CLSTN2: variants seen among roughly 807,000 people sequenced by gnomAD.
The protein encoded by CLSTN2 is calsyntenin-2.
A neutral mutation model predicts 101.2 loss-of-function variants in CLSTN2; 48 were observed. The observed-to-expected ratio is 0.47, with a 90% CI of 0.38 to 0.60. CLSTN2 has a LOEUF of 0.60. Ranked by LOEUF, CLSTN2 falls within the 20% of genes least tolerant of loss-of-function variation. The pLI, the probability that CLSTN2 is intolerant of heterozygous loss-of-function variation, is 0.00. For missense variants in CLSTN2, 1,160 were observed against 1,238.2 expected, an observed-to-expected ratio of 0.94 and a Z score of 0.95; for synonymous variants, 481 against 463.6, an observed-to-expected ratio of 1.04 and a Z score of -0.48.
At chr3:140,054,493 AG>A (rs1477532395) in intron 1 of CLSTN2, among the ~76,000 whole-genome samples, 2 of 152,176 alleles carry the variant, frequency 1.3e-5, no homozygotes, top group Non-Finnish European at 2.9e-5. Context: ...GCGGTCAGTA[AG>A]GGGTGGAGAT....
At chr3:140,089,663 A>G (rs1452693305) in intron 1 of CLSTN2, among the ~76,000 whole-genome samples, 2 of 151,234 alleles carry the variant, frequency 1.3e-5, no homozygotes, top group East Asian at 3.9e-4. Flanking sequence ...TCCAGGCTAG[A>G]GTGCAGTGGT....
rs201159738 is a variant in CLSTN2 at position 140,360,029 on chromosome 3, T to C, written c.233-43600T>C. 2.9e-4 allele frequency among the ~76,000 whole-genome samples: 41 copies of C among 143,740 alleles called. 1 individual carries two copies. The South Asian group carries it at 5.8e-3, about 20-fold the overall frequency. The allele number at this position is 143,740 out of a possible 152,430, so 94.3% of individuals were successfully genotyped here. A position where few individuals can be genotyped will look rare whatever the true frequency, so the allele number is the denominator to read the frequency against. ...ACACACACACACACACACACACACA[T>C]ATATATATATAGTTTCCTCATACAA... On this transcript the variant is annotated intron_variant, in intron 2 of 16. Transcript: ENST00000458420.
In CLSTN2 at chr3:140,016,810, A is replaced by G. The variant is rs1393233325; in HGVS notation, c.109+81327A>G. 6.6e-5 allele frequency among the ~76,000 whole-genome samples: 10 copies of G among 151,588 alleles called. No homozygotes were observed. In the East Asian group the frequency reaches 1.5e-3, roughly 23 times the overall value. On this transcript the variant is annotated intron_variant, in intron 1 of 16. Transcript: ENST00000458420. ...GAGACTCTGAAAAAAAAAAAAAAAA[A>G]AAAAGAAACAAACAAAAAAACCTCA...
At chr3:140,499,217 T>C (rs1934524133) in intron 8 of CLSTN2, among the ~76,000 whole-genome samples, 1 of 152,224 alleles carries the variant, frequency 6.6e-6, no homozygotes, top group African/African-American at 2.4e-5. Flanking sequence ...TAACCCACTA[T>C]GGAGCCCTTA....
chr3:140,114,173 G>A (rs76957055), intron 1 of CLSTN2, among the ~76,000 whole-genome samples: 4,354 of 152,236 alleles, frequency 0.029, 185 homozygotes, highest in African/African-American at 0.094. Context: ...TGCTTTGGGA[G>A]TTCCCATCTC....
At chr3:140,483,591 G>A (rs1403842840) in intron 8 of CLSTN2, among the ~76,000 whole-genome samples, 2 of 151,522 alleles carry the variant, frequency 1.3e-5, no homozygotes, top group African/African-American at 4.9e-5. Context: ...TCTCTTTGTA[G>A]GTCTCTAAGG....
chr3:140,465,416 A>G (rs1049446325), intron 7 of CLSTN2, among the ~76,000 whole-genome samples: 1 of 152,204 alleles, frequency 6.6e-6, no homozygotes, highest in African/African-American at 2.4e-5. Context: ...AAAAGTGCTC[A>G]TATCACTGGC....
intron 7 of CLSTN2, among the ~76,000 whole-genome samples, chr3:140,460,763 TTA>T (rs1576580497): frequency 6.6e-6 from 1 of 152,236 alleles, no homozygotes; most frequent in Non-Finnish European, 1.5e-5. Context: ...CTGCATTTAA[TTA>T]TAATTCTACA....
chr3:139,957,594 G>A (rs2107813058), intron 1 of CLSTN2, among the ~76,000 whole-genome samples: 1 of 152,102 alleles, frequency 6.6e-6, no homozygotes, highest in African/African-American at 2.4e-5. Context: ...CCAGCATCTG[G>A]TAACTAATTA....
At chr3:140,238,366 C>G (rs2086433907) in intron 2 of CLSTN2, among the ~76,000 whole-genome samples, 1 of 152,118 alleles carries the variant, frequency 6.6e-6, no homozygotes, top group South Asian at 2.1e-4. Flanking sequence ...GCATGGTTTT[C>G]AGCTAGGTAA....
intron 2 of CLSTN2, among the ~76,000 whole-genome samples, chr3:140,381,107 G>A (rs900338979): frequency 8.5e-5 from 13 of 152,260 alleles, no homozygotes; most frequent in Admixed American, 2.0e-4. Flanking sequence ...ATCTTTCCTC[G>A]TCTGTTCTAA....
chr3:140,380,003 C>T (rs1461279854), intron 2 of CLSTN2, among the ~76,000 whole-genome samples: 1 of 151,976 alleles, frequency 6.6e-6, no homozygotes, highest in African/African-American at 2.4e-5. Context: ...GACAATGAAA[C>T]AAAACCCACC....
chr3:140,487,521 T>G (rs933585886), intron 8 of CLSTN2, among the ~76,000 whole-genome samples: 1 of 152,196 alleles, frequency 6.6e-6, no homozygotes, highest in African/African-American at 2.4e-5. Context: ...GATTCCAGTG[T>G]CCAAAGTAGA....
At chr3:140,554,815 A>T (rs1168148332) in intron 10 of CLSTN2, among the ~76,000 whole-genome samples, 1 of 152,218 alleles carries the variant, frequency 6.6e-6, no homozygotes, top group East Asian at 1.9e-4. Flanking sequence ...AGAATAAGGA[A>T]GCTTGTCATG....
At chr3:140,228,484 T>C (rs1351624473) in intron 2 of CLSTN2, among the ~76,000 whole-genome samples, 3 of 152,210 alleles carry the variant, frequency 2.0e-5, no homozygotes, top group African/African-American at 7.2e-5. Context: ...TCCTGTCTTC[T>C]TCTGAGCCCT....
chr3:140,137,179 T>C (rs1342487523), intron 1 of CLSTN2, among the ~76,000 whole-genome samples: 1 of 152,174 alleles, frequency 6.6e-6, no homozygotes, highest in Non-Finnish European at 1.5e-5. Flanking sequence ...GAATTCTATC[T>C]TTCTCCTGCC....
intron 1 of CLSTN2, among the ~76,000 whole-genome samples, chr3:139,945,786 A>G (rs1935205040): frequency 6.6e-6 from 1 of 152,246 alleles, no homozygotes; most frequent in Admixed American, 6.5e-5. Context: ...TATAACCATT[A>G]CAGAGGTGTT....
chr3:140,424,694 G>A (rs2088545153), intron 5 of CLSTN2, among the ~76,000 whole-genome samples: 4 of 152,302 alleles, frequency 2.6e-5, no homozygotes, highest in Admixed American at 2.6e-4. Context: ...CAAATGCCTT[G>A]GGGGAAAGGT....
chr3:140,546,663 C>T lies in CLSTN2; in HGVS notation c.1656C>T (p.Ser552=), dbSNP rs374306883. 14 of 1,612,824 alleles carry T rather than the reference C, an allele frequency of 8.7e-6. No individual in the cohort carries two copies. The highest frequency in any genetic ancestry group is 1.2e-5 in the Non-Finnish European group (14 of 1,179,714). The change falls in exon 10 of 17, where the codon AGC becomes AGT. Residue 552 remains serine (S), a synonymous_variant. Transcript: ENST00000458420. ...KEGLDINSLE[S]LGQGIKYHFN... ...GGCTGGACATTAATTCCTTGGAAAG[C>T]CTTGGCCAAGGAATAAAGGTAAGGC...
Sources: allele counts gnomAD v4.1 joint callset (sites outside exome capture counted in the v4.1 genomes callset), GRCh38; gene constraint gnomAD v4.1.1; transcripts MANE v1.5; gene names NCBI Gene and HGNC (gene_info 2026-07-23, HGNC 2026-07-21).